Variants in SMAD3 observed in about 807,000 individuals in gnomAD.
SMAD3 encodes SMAD family member 3, also known as MAD homolog 3.
Under a neutral mutation model 51.8 loss-of-function variants are expected in SMAD3, and 12 were observed. The ratio of observed to expected loss-of-function variants is 0.23; its 90% CI spans 0.15 to 0.38. The LOEUF is 0.38. Ranked by LOEUF, SMAD3 falls within the 10% of genes least tolerant of loss-of-function variation. The pLI is 1.00. For synonymous variants in SMAD3, 238 were observed against 227.7 expected (o/e 1.05, Z -0.41); for missense variants, 294 against 565.6 (o/e 0.52, Z 4.87).
intron 5 of SMAD3, among the ~76,000 whole-genome samples, chr15:67,177,422 G>GTTTTGTTCTTTTT (rs542708691): frequency 6.4e-5 from 6 of 93,874 alleles, no homozygotes; most frequent in African/African-American, 2.0e-4. Context: ...AGTGTTTTGG[G>GTTTTGTTCTTTTT]TTTTTTTTTT....
intron 1 of SMAD3, among the ~76,000 whole-genome samples, chr15:67,153,922 C>T (rs1356566277): frequency 1.3e-5 from 2 of 152,202 alleles, no homozygotes; most frequent in South Asian, 2.1e-4. Flanking sequence ...AATTCTGTGC[C>T]CACCCATGGC....
At chr15:67,100,730 A>G (rs1960736138) in intron 1 of SMAD3, among the ~76,000 whole-genome samples, 1 of 152,178 alleles carries the variant, frequency 6.6e-6, no homozygotes, top group Admixed American at 6.5e-5. Context: ...TAGGAAAGAA[A>G]GGAATGGGAC....
intron 1 of SMAD3, among the ~76,000 whole-genome samples, chr15:67,164,612 A>G (rs532054759): frequency 3.7e-4 from 57 of 152,286 alleles, no homozygotes; most frequent in South Asian, 3.7e-3. Flanking sequence ...TTCCCATGGA[A>G]TGCCACTCCC....
At position 67,142,199 on chromosome 15, in the gene SMAD3, A is replaced by ACCCCCC. The variant is rs549870512; in HGVS notation, c.207-22693_207-22688dup. ...ATTCTTTTGTGTGTCTCCTCCCCAC[A>ACCCCCC]CCCCCCCCACCATTGTTTCTAGAAC... On this transcript the variant is annotated intron_variant, in intron 1 of 8. Transcript: ENST00000327367. Among the ~76,000 whole-genome samples, 192 of 127,920 alleles carry ACCCCCC rather than the reference A, an allele frequency of 1.5e-3. 1 individual carries two copies. Among genetic ancestry groups the ACCCCCC allele is most frequent in the East Asian group, 4.6e-3 (19 of 4,110 alleles). 83.9% of individuals were successfully genotyped at this position (127,920 alleles called of 152,430 possible).
chr15:67,147,887 C>T (rs1333209412), intron 1 of SMAD3, among the ~76,000 whole-genome samples: 1 of 152,164 alleles, frequency 6.6e-6, no homozygotes, highest in East Asian at 1.9e-4. Context: ...ATGTTGGCGT[C>T]GGGTTTGGGG....
chr15:67,154,734 AT>A (rs1200266388), intron 1 of SMAD3, among the ~76,000 whole-genome samples: 6 of 152,338 alleles, frequency 3.9e-5, no homozygotes, highest in Non-Finnish European at 4.4e-5. Context: ...TTATAGGCTA[AT>A]TTTTTATACT....
At chr15:67,082,163 A>T (rs573228004) in intron 1 of SMAD3, among the ~76,000 whole-genome samples, 1 of 152,086 alleles carries the variant, frequency 6.6e-6, no homozygotes, top group African/African-American at 2.4e-5. Flanking sequence ...TTGTGTTTGG[A>T]GTATCTCCTG....
chr15:67,186,777 T>G (rs1179654363), intron 7 of SMAD3: 3 of 294,240 alleles, frequency 1.0e-5, no homozygotes, highest in Non-Finnish European at 2.0e-5. Flanking sequence ...TCTCCTTACC[T>G]CCTAGCCCCA....
rs747191952 is a variant in SMAD3 at position 67,193,694 on chromosome 15, A to AT, written c.*3171dup. The AT allele has an allele frequency of 0.047, 9,780 of 205,938 alleles. 2 individuals are homozygous for AT. The highest frequency in any genetic ancestry group is 0.095 in the Middle Eastern group (64 of 676). The allele number at this position is 205,938 out of a possible 1,614,324, so 12.8% of individuals were successfully genotyped here. A position where few individuals can be genotyped will look rare whatever the true frequency, so the allele number is the denominator to read the frequency against. ...ATTGTCCTTATGTTGTCTGTGTTGT[A>AT]TTTTTTTTTTTTTATTGACCATGGT... On this transcript the variant is annotated 3_prime_UTR_variant, in exon 9 of 9. Coordinates refer to ENST00000327367, the MANE Select transcript of SMAD3 (RefSeq NM_005902.4).
In SMAD3 at chr15:67,083,017, T is replaced by A. The variant is rs567063229; in HGVS notation, c.206+16657T>A. Among the ~76,000 whole-genome samples, 15 of 152,358 alleles carry A rather than the reference T, an allele frequency of 9.8e-5. 1 individual carries two copies. The South Asian group carries it at 3.1e-3, about 32-fold the overall frequency. ...CCAGTAAATACGTAAGTTGTCTTCC[T>A]GCCGTCTTGTCCTGGTGGAGCAGAG... On this transcript the variant is annotated intron_variant, in intron 1 of 8. Coordinates refer to ENST00000327367, the MANE Select transcript of SMAD3 (RefSeq NM_005902.4).
chr15:67,104,845 G>A (rs913384920), intron 1 of SMAD3, among the ~76,000 whole-genome samples: 4 of 152,234 alleles, frequency 2.6e-5, no homozygotes, highest in African/African-American at 7.2e-5. Context: ...ATTAAGAACT[G>A]GGGTCTATGT....
In SMAD3 at chr15:67,066,065, C is replaced by T; in HGVS notation, c.-90C>T. ...CGAAGTTTGGGCGACCGCGGCAGGC[C>T]CCGGCCGAGCTCCCCTCTGCGCCCC... On this transcript the variant is annotated 5_prime_UTR_variant, in exon 1 of 9. Transcript: ENST00000327367. The T allele has an allele frequency of 1.1e-6, 1 of 888,762 alleles. No individual in the cohort carries two copies. Among genetic ancestry groups the T allele is most frequent in the Non-Finnish European group, 1.6e-6 (1 of 625,200 alleles). The allele number at this position is 888,762 out of a possible 1,614,324, so 55.1% of individuals were successfully genotyped here.
At chr15:67,084,786 T>C (rs1443249946) in intron 1 of SMAD3, among the ~76,000 whole-genome samples, 1 of 152,180 alleles carries the variant, frequency 6.6e-6, no homozygotes, top group African/African-American at 2.4e-5. Flanking sequence ...TCTGTGCTTC[T>C]AGGCACCGGC....
chr15:67,182,996 A>ATATATATATATATAT (rs1429510155), intron 6 of SMAD3, among the ~76,000 whole-genome samples: 2 of 55,390 alleles, frequency 3.6e-5, no homozygotes, highest in Admixed American at 2.4e-4. Context: ...TAAAAAAAAA[A>ATATATATATATATAT]AAAAATATAT....
chr15:67,080,217 A>T (rs1566961286), intron 1 of SMAD3, among the ~76,000 whole-genome samples: 1 of 152,226 alleles, frequency 6.6e-6, no homozygotes, highest in Non-Finnish European at 1.5e-5. Flanking sequence ...ATGTCCTGCT[A>T]TTCTAAGTGA....
intron 8 of SMAD3, among the ~76,000 whole-genome samples, chr15:67,189,968 C>G (rs1220042273): frequency 2.0e-5 from 3 of 151,988 alleles, no homozygotes; most frequent in Non-Finnish European, 4.4e-5. Flanking sequence ...GACAGACACA[C>G]GTCATCGTCG....
rs1313136069 is a variant in SMAD3 at position 67,166,264 on chromosome 15, G to A, written c.533-515G>A. On this transcript the variant is annotated intron_variant, in intron 3 of 8. Coordinates refer to ENST00000327367, the MANE Select transcript of SMAD3 (RefSeq NM_005902.4). ...CAGTCAGGGTCTGGGGGAGGTTTCA[G>A]AGAAATAGATCACACTGTCTTTGCC... 1.2e-5 allele frequency: 8 copies of A among 678,836 alleles called. No homozygotes were observed. The East Asian group carries it at 6.5e-4, about 55-fold the overall frequency. The allele number at this position is 678,836 out of a possible 1,614,324, so 42.1% of individuals were successfully genotyped here.
rs146182582 is a variant in SMAD3, at chr15:67,084,739, C to G, written c.206+18379C>G. ...AGGGTAGGGGAAATCAGTCTGCAGG[C>G]AAAGAGGAATTCAAATTTAGCCTGA... On this transcript the variant is annotated intron_variant, in intron 1 of 8. Transcript: ENST00000327367. 2.6e-5 allele frequency among the ~76,000 whole-genome samples: 4 copies of G among 152,246 alleles called. No individual in the cohort carries two copies. In the East Asian group the frequency reaches 7.7e-4, roughly 29 times the overall value.
At chr15:67,141,035 G>GGCCA (rs1217488502) in intron 1 of SMAD3, among the ~76,000 whole-genome samples, 1 of 152,182 alleles carries the variant, frequency 6.6e-6, no homozygotes, top group African/African-American at 2.4e-5. Context: ...ACGCTCTGCA[G>GGCCA]GCCAAGCACA....
Sources: gnomAD v4.1 joint callset for allele counts (sites outside exome capture counted in the v4.1 genomes callset) on GRCh38, gnomAD v4.1.1 for gene constraint, MANE v1.5 for transcripts, NCBI Gene and HGNC (gene_info 2026-07-23, HGNC 2026-07-21) for gene names.